The following RALGPS1 variants were observed in gnomAD, a reference collection of about 807,000 sequenced individuals.
RALGPS1 encodes Ral GEF with PH domain and SH3 binding motif 1.
Under a neutral mutation model 78.8 loss-of-function variants are expected in RALGPS1, and 19 were observed. That is an observed-to-expected ratio of 0.24 (90% CI 0.17 to 0.35). RALGPS1 has a LOEUF of 0.35. Among genes scored for constraint, RALGPS1 ranks in the 10% least tolerant of loss-of-function variants. The pLI is 1.00. For synonymous variants in RALGPS1, 228 were observed against 256.3 expected (o/e 0.89, Z 1.06); for missense variants, 454 against 688.3 (o/e 0.66, Z 3.81).
intron 4 of RALGPS1, among the ~76,000 whole-genome samples, chr9:127,002,716 G>T (rs1345628931): frequency 6.6e-6 from 1 of 150,750 alleles, no homozygotes; most frequent in African/African-American, 2.4e-5. Context: ...TTGTTCTTGC[G>T]ATAGTTTACT....
At chr9:127,163,574 C>A (rs370279392) in intron 8 of RALGPS1, among the ~76,000 whole-genome samples, 3 of 152,166 alleles carry the variant, frequency 2.0e-5, no homozygotes, top group Non-Finnish European at 4.4e-5. Flanking sequence ...TAAAAGCAGA[C>A]GAATGACTCA....
chr9:127,009,990 T>G (rs1564410614), intron 4 of RALGPS1, among the ~76,000 whole-genome samples: 1 of 152,164 alleles, frequency 6.6e-6, no homozygotes, highest in Non-Finnish European at 1.5e-5. Flanking sequence ...GGCTCCTGAC[T>G]CTTCCAAGGA....
intron 8 of RALGPS1, among the ~76,000 whole-genome samples, chr9:127,151,645 T>A (rs1175919863): frequency 6.6e-6 from 1 of 152,160 alleles, no homozygotes; most frequent in Non-Finnish European, 1.5e-5. Flanking sequence ...TTTGCCTGAG[T>A]CTTTGCAAGA....
rs559935668 is a variant in RALGPS1 at position 127,089,327 on chromosome 9, C to T, written c.610+19971C>T. Among the ~76,000 whole-genome samples the T allele has an allele frequency of 2.6e-5, 4 of 152,348 alleles. No homozygotes were observed. The South Asian group carries it at 8.3e-4, about 32-fold the overall frequency. On this transcript the variant is annotated intron_variant, in intron 8 of 18. Transcript: ENST00000259351. ...CCGCCTTTGAGGCTCAGCTTTGTAA[C>T]TAACTAGCTGTGTGATCTCAGACAA... is the stretch of plus-strand genomic sequence containing the variant.
chr9:127,125,914 T>C (rs1435869343), intron 8 of RALGPS1, among the ~76,000 whole-genome samples: 1 of 152,222 alleles, frequency 6.6e-6, no homozygotes, highest in African/African-American at 2.4e-5. Flanking sequence ...TGATTTCGTG[T>C]CTTACCACCT....
intron 8 of RALGPS1, among the ~76,000 whole-genome samples, chr9:127,141,822 A>G (rs955132555): frequency 1.3e-5 from 2 of 152,176 alleles, no homozygotes; most frequent in Admixed American, 1.3e-4. Flanking sequence ...TATTTTAAAT[A>G]TAGAAAATTG....
At chr9:126,991,696 C>T (rs557705050) in intron 4 of RALGPS1, among the ~76,000 whole-genome samples, 1 of 152,284 alleles carries the variant, frequency 6.6e-6, no homozygotes, top group African/African-American at 2.4e-5. Context: ...GGCAAGTTCC[C>T]TCATCTTTCT....
At chr9:127,186,171 A>AT (rs1284629241) in intron 11 of RALGPS1, among the ~76,000 whole-genome samples, 1 of 152,120 alleles carries the variant, frequency 6.6e-6, no homozygotes, top group Non-Finnish European at 1.5e-5. Flanking sequence ...TGAAAACCAG[A>AT]TTTTTTTTCA....
intron 11 of RALGPS1, among the ~76,000 whole-genome samples, chr9:127,185,120 G>T (rs970686338): frequency 6.6e-6 from 1 of 152,100 alleles, no homozygotes; most frequent in African/African-American, 2.4e-5. Context: ...CCACTCCACC[G>T]ACGGTCACCC....
intron 8 of RALGPS1, among the ~76,000 whole-genome samples, chr9:127,089,382 C>A (rs531800372): frequency 6.6e-6 from 1 of 152,328 alleles, no homozygotes; most frequent in African/African-American, 2.4e-5. Flanking sequence ...CCACTGTATC[C>A]TCATCTGTAA....
chr9:126,964,957 G>T (rs904079633), intron 2 of RALGPS1, among the ~76,000 whole-genome samples: 12 of 152,210 alleles, frequency 7.9e-5, no homozygotes, highest in African/African-American at 2.7e-4. Flanking sequence ...TTCTTCGTGA[G>T]CTGAGACGAA....
chr9:127,193,272 G>C (rs910327176), intron 11 of RALGPS1, among the ~76,000 whole-genome samples: 9 of 152,246 alleles, frequency 5.9e-5, no homozygotes, highest in African/African-American at 2.2e-4. Context: ...CTGACATCCA[G>C]TGTTGTCACT....
intron 7 of RALGPS1, among the ~76,000 whole-genome samples, chr9:127,054,078 G>A (rs1049659691): frequency 5.9e-5 from 9 of 152,188 alleles, no homozygotes; most frequent in African/African-American, 1.2e-4. Flanking sequence ...GGCAGTTTGG[G>A]CACTATTTCC....
chr9:127,111,870 G>A (rs957197787), intron 8 of RALGPS1, among the ~76,000 whole-genome samples: 7 of 152,204 alleles, frequency 4.6e-5, no homozygotes, highest in African/African-American at 1.2e-4. Context: ...GATGACACAG[G>A]CATGTATTTA....
intron 8 of RALGPS1, among the ~76,000 whole-genome samples, chr9:127,118,015 CA>C (rs1455335162): frequency 6.6e-6 from 1 of 152,184 alleles, no homozygotes; most frequent in Non-Finnish European, 1.5e-5. Flanking sequence ...TGGACTGACA[CA>C]ATAGTTCAGT....
chr9:127,200,706 C>G (rs1034140932), intron 14 of RALGPS1, among the ~76,000 whole-genome samples: 1 of 152,204 alleles, frequency 6.6e-6, no homozygotes, highest in Non-Finnish European at 1.5e-5. Context: ...GGGAGCCACC[C>G]CGGCAGTGGG....
intron 1 of RALGPS1, among the ~76,000 whole-genome samples, chr9:126,918,567 C>T (rs373089762): frequency 6.6e-6 from 1 of 152,022 alleles, no homozygotes; most frequent in African/African-American, 2.4e-5. Context: ...AAGTGATCCC[C>T]GCATCGGCCT....
At chr9:126,965,126 A>G (rs2039347373) in intron 2 of RALGPS1, among the ~76,000 whole-genome samples, 2 of 152,166 alleles carry the variant, frequency 1.3e-5, no homozygotes, top group African/African-American at 4.8e-5. Context: ...TTGCCTTTTT[A>G]TGGGAGACTC....
chr9:126,954,733 T>C (rs562605296), intron 1 of RALGPS1, among the ~76,000 whole-genome samples: 1 of 152,180 alleles, frequency 6.6e-6, no homozygotes, highest in South Asian at 2.1e-4. Flanking sequence ...ACCTGGGAGG[T>C]GGATGTTGCA....
Sources: gnomAD v4.1 joint callset for allele counts (sites outside exome capture counted in the v4.1 genomes callset) on GRCh38, gnomAD v4.1.1 for gene constraint, MANE v1.5 for transcripts, NCBI Gene and HGNC (gene_info 2026-07-23, HGNC 2026-07-21) for gene names.